The following OPCML variants were observed in gnomAD, a reference collection of about 807,000 sequenced individuals.
OPCML encodes opioid binding protein/cell adhesion molecule like.
OPCML carries 13 observed loss-of-function variants against 37.8 expected under a neutral mutation model. The observed-to-expected ratio is 0.34, with a 90% CI of 0.22 to 0.55. OPCML has a LOEUF of 0.55. Among genes scored for constraint, OPCML ranks in the 20% least tolerant of loss-of-function variants. The pLI is 0.91. For missense variants in OPCML, 341 were observed against 435.6 expected (o/e 0.78, Z 1.93); for synonymous variants, 176 against 168.8 (o/e 1.04, Z -0.33).
intron 1 of OPCML, among the ~76,000 whole-genome samples, chr11:133,166,474 T>C (rs1054992896): frequency 1.3e-5 from 2 of 152,260 alleles, no homozygotes; most frequent in Admixed American, 6.5e-5. Context: ...CCAGTGTCTG[T>C]ACCTTAATAC....
At chr11:132,588,207 G>C (rs1038652009) in intron 3 of OPCML, among the ~76,000 whole-genome samples, 3 of 152,062 alleles carry the variant, frequency 2.0e-5, no homozygotes, top group Non-Finnish European at 4.4e-5. Flanking sequence ...TTGGGATCTG[G>C]TGGTTCCCTG....
intron 3 of OPCML, among the ~76,000 whole-genome samples, chr11:132,541,499 C>T (rs2096356421): frequency 6.9e-6 from 1 of 145,626 alleles, no homozygotes; most frequent in Non-Finnish European, 1.5e-5. Context: ...GTTATGGGCT[C>T]TTTATTCTAT....
chr11:132,430,599 T>G (rs933829761), intron 7 of OPCML, among the ~76,000 whole-genome samples: 3 of 152,214 alleles, frequency 2.0e-5, no homozygotes, highest in Admixed American at 6.5e-5. Context: ...GCACAGATGT[T>G]GACTTAACTG....
chr11:133,027,949 A>T (rs1455770017), intron 1 of OPCML, among the ~76,000 whole-genome samples: 1 of 151,580 alleles, frequency 6.6e-6, no homozygotes, highest in African/African-American at 2.4e-5. Flanking sequence ...TCAGCAAAGT[A>T]TCAATGTGCT....
chr11:133,000,562 A>G (rs1465224483), intron 1 of OPCML, among the ~76,000 whole-genome samples: 1 of 152,194 alleles, frequency 6.6e-6, no homozygotes, highest in Non-Finnish European at 1.5e-5. Flanking sequence ...TTAATGTATA[A>G]TTGCAGCTGG....
At chr11:132,622,157 G>C (rs1939452794) in intron 3 of OPCML, among the ~76,000 whole-genome samples, 1 of 151,366 alleles carries the variant, frequency 6.6e-6, no homozygotes, top group Non-Finnish European at 1.5e-5. Context: ...AAAAAAAAAA[G>C]TTGACTCACA....
intron 1 of OPCML, among the ~76,000 whole-genome samples, chr11:133,470,805 C>T (rs1351945098): frequency 1.3e-5 from 2 of 152,218 alleles, no homozygotes; most frequent in Non-Finnish European, 2.9e-5. Flanking sequence ...TTGTGCCTTG[C>T]TCAGGACAAG....
At chr11:132,636,344 T>G (rs1940498107) in intron 3 of OPCML, among the ~76,000 whole-genome samples, 1 of 152,196 alleles carries the variant, frequency 6.6e-6, no homozygotes, top group Non-Finnish European at 1.5e-5. Flanking sequence ...TGCATACATT[T>G]GTCACATAAT....
chr11:132,469,190 G>A (rs1385927011), intron 4 of OPCML, among the ~76,000 whole-genome samples: 3 of 152,180 alleles, frequency 2.0e-5, no homozygotes, highest in Non-Finnish European at 4.4e-5. Flanking sequence ...TTATAGTCTA[G>A]TGAGGGAGTT....
At chr11:132,422,012 A>G (rs1344355616) in intron 7 of OPCML, among the ~76,000 whole-genome samples, 1 of 152,152 alleles carries the variant, frequency 6.6e-6, no homozygotes, top group East Asian at 1.9e-4. Flanking sequence ...GCAGATTCAT[A>G]AGGCCCATAT....
chr11:132,707,679 T>A (rs577473404), intron 2 of OPCML, among the ~76,000 whole-genome samples: 1 of 152,346 alleles, frequency 6.6e-6, no homozygotes, highest in African/African-American at 2.4e-5. Flanking sequence ...CAGCCATCAC[T>A]AGCAGGCCTT....
intron 3 of OPCML, among the ~76,000 whole-genome samples, chr11:132,650,776 G>A (rs751437701): frequency 3.3e-5 from 5 of 152,118 alleles, no homozygotes; most frequent in Non-Finnish European, 7.3e-5. Context: ...GCATTCTGCT[G>A]GCCTGTCCTG....
intron 1 of OPCML, among the ~76,000 whole-genome samples, chr11:132,992,555 C>A (rs1433901349): frequency 6.6e-6 from 1 of 152,018 alleles, no homozygotes; most frequent in African/African-American, 2.4e-5. Context: ...AAACAGAATT[C>A]CTTGCCATCA....
chr11:132,969,971 C>A (rs972175398), intron 1 of OPCML, among the ~76,000 whole-genome samples: 11 of 152,044 alleles, frequency 7.2e-5, no homozygotes, highest in African/African-American at 2.7e-4. Flanking sequence ...TCACACTTTC[C>A]TGATTCTTTT....
At chr11:133,241,223 G>T (rs969850467) in intron 1 of OPCML, among the ~76,000 whole-genome samples, 19 of 152,136 alleles carry the variant, frequency 1.2e-4, no homozygotes, top group African/African-American at 4.3e-4. Context: ...TTCCTCCATC[G>T]TTAACACTCG....
At chr11:133,138,253 C>T (rs1949720521) in intron 1 of OPCML, among the ~76,000 whole-genome samples, 1 of 152,172 alleles carries the variant, frequency 6.6e-6, no homozygotes, top group Non-Finnish European at 1.5e-5. Flanking sequence ...CACCAGAAGC[C>T]AAACAGATGC....
intron 2 of OPCML, among the ~76,000 whole-genome samples, chr11:132,883,961 G>C (rs1943315059): frequency 6.6e-6 from 1 of 152,134 alleles, no homozygotes; most frequent in Non-Finnish European, 1.5e-5. Context: ...CTTAGACACG[G>C]TGAGTTTGAG....
chr11:133,339,324 C>A (rs1011202149), intron 1 of OPCML, among the ~76,000 whole-genome samples: 1 of 152,178 alleles, frequency 6.6e-6, no homozygotes, highest in African/African-American at 2.4e-5. Context: ...AAGCTTGAGA[C>A]TCAGAGGTTA....
At chr11:133,199,793 GA>G (rs1938691922) in intron 1 of OPCML, among the ~76,000 whole-genome samples, 1 of 152,106 alleles carries the variant, frequency 6.6e-6, no homozygotes, top group Non-Finnish European at 1.5e-5. Context: ...TTTTTGGAAA[GA>G]AAGGAAAATT....
Sources: allele counts gnomAD v4.1 joint callset (sites outside exome capture counted in the v4.1 genomes callset), GRCh38; gene constraint gnomAD v4.1.1; transcripts MANE v1.5; gene names NCBI Gene and HGNC (gene_info 2026-07-23, HGNC 2026-07-21).